Variants in FRAS1 observed in about 807,000 individuals in gnomAD.
FRAS1 encodes extracellular matrix organizing protein FRAS1.
A neutral mutation model predicts 435.2 loss-of-function variants in FRAS1; 290 were observed. The ratio of observed to expected loss-of-function variants is 0.67; its 90% CI spans 0.61 to 0.73. The LOEUF is 0.73. Among genes scored for constraint, FRAS1 ranks in the 30% least tolerant of loss-of-function variants. The pLI, the probability that FRAS1 is intolerant of heterozygous loss-of-function variation, is 0.00. For missense variants in FRAS1, 4,860 were observed against 5,001.5 expected, an observed-to-expected ratio of 0.97 and a Z score of 0.85; for synonymous variants, 1,800 against 1,851.0, an observed-to-expected ratio of 0.97 and a Z score of 0.71.
At position 78,477,958 on chromosome 4, in the gene FRAS1, C is replaced by A; in HGVS notation, c.7995C>A (p.Val2665=). The A allele has an allele frequency of 1.2e-6, 2 of 1,613,352 alleles. No homozygotes were observed. The highest frequency in any genetic ancestry group is 8.5e-7 in the Non-Finnish European group (1 of 1,179,704). ...ALLGEFTQAK[V]IINDTEDEPT... is the part of the protein sequence containing the mutation. ...TAGGGGAATTCACCCAGGCGAAGGT[C>A]ATTATCAACGATACCGAGGATGAAC... Residue 2665 remains valine, a synonymous_variant, in exon 55 of 74, where the codon GTC becomes GTA. Transcript: ENST00000512123.
chr4:78,513,321 A>G, intron 64 of FRAS1, 71 bp from the exon 65 acceptor site: 1 of 1,465,230 alleles, frequency 6.8e-7, no homozygotes, highest in Non-Finnish European at 9.4e-7. Context: ...TTAGGTGATG[A>G]GAAAGAAGTA....
At chr4:78,089,820 G>A (rs903598143) in intron 2 of FRAS1, among the ~76,000 whole-genome samples, 7 of 152,056 alleles carry the variant, frequency 4.6e-5, no homozygotes, top group Non-Finnish European at 1.0e-4. Flanking sequence ...GAGAAATCGT[G>A]TCATGGGAGT....
intron 54 of FRAS1, among the ~76,000 whole-genome samples, chr4:78,476,168 C>T (rs1286969553): frequency 1.3e-5 from 2 of 152,126 alleles, no homozygotes; most frequent in Admixed American, 6.5e-5. Context: ...TAAGAGGAGC[C>T]GGTTGGGCAA....
chr4:78,281,512 A>C, intron 11 of FRAS1, 79 bp downstream of exon 11: 4 of 876,892 alleles, frequency 4.6e-6, no homozygotes, highest in Middle Eastern at 4.5e-4. Context: ...TATCATGGGG[A>C]AACTTAGGAC....
At chr4:78,219,688 G>A (rs1723964337) in intron 2 of FRAS1, among the ~76,000 whole-genome samples, 1 of 152,160 alleles carries the variant, frequency 6.6e-6, no homozygotes, top group South Asian at 2.1e-4. Flanking sequence ...TTTCTCCAGA[G>A]TTTACTTAAG....
chr4:78,528,848 T>C (rs536123270), intron 70 of FRAS1, among the ~76,000 whole-genome samples: 6 of 152,286 alleles, frequency 3.9e-5, no homozygotes, highest in African/African-American at 1.2e-4. Context: ...TCTTCCAGCA[T>C]GTTTGTAAAT....
rs772712095 is a variant in FRAS1, at chr4:78,522,666, C to T, written c.10666C>T (p.His3556Tyr). The part of the protein sequence containing the change: ...AKFRGQFVME[H>Y]HTLPEVKSFV... ...TCAAATAGGACAGTTTGTGATGGAGCATCACACTCTCCCAGAAGTGAAATC... is the reference window on the plus strand; with the variant it reads ...TCAAATAGGACAGTTTGTGATGGAGTATCACACTCTCCCAGAAGTGAAATC... The change falls in exon 69 of 74, where the codon CAT (histidine) becomes TAT (tyrosine). Residue 3556 changes from histidine (H) to tyrosine (Y), a missense_variant. By Grantham distance (83) the His-to-Tyr change is moderately conservative. Transcript: ENST00000512123. The T allele has an allele frequency of 6.2e-7, 1 of 1,605,414 alleles. No individual in the cohort carries two copies. Among genetic ancestry groups the T allele is most frequent in the Non-Finnish European group, 8.5e-7 (1 of 1,175,392 alleles).
chr4:78,526,678 C>A, intron 70 of FRAS1, 21 bp downstream of exon 70: 1 of 1,407,110 alleles, frequency 7.1e-7, no homozygotes. Flanking sequence ...ATAGTCAATC[C>A]TCATTATTTG....
intron 20 of FRAS1, among the ~76,000 whole-genome samples, chr4:78,361,842 G>A (rs398237): frequency 0.62 from 94,597 of 151,974 alleles, 30,030 homozygotes; most frequent in Non-Finnish European, 0.67. Context: ...GGAAGGCCCC[G>A]TAACCAGAAC....
Position 78,202,218 on chromosome 4 carries a change from A to C in FRAS1, c.109-35292A>C, listed in dbSNP as rs991623220. 2.6e-5 allele frequency among the ~76,000 whole-genome samples: 4 copies of C among 152,292 alleles called. No individual in the cohort carries two copies. The East Asian group carries it at 7.7e-4, about 29-fold the overall frequency. Reference sequence around the variant, plus strand: ...TATTGTCTTCATATTTATAGATGAGAAAATGGAGGTTTGGCATTACCTGGC... The same window carrying C: ...TATTGTCTTCATATTTATAGATGAGCAAATGGAGGTTTGGCATTACCTGGC... On this transcript the variant is annotated intron_variant, in intron 2 of 73. Coordinates refer to ENST00000512123, the MANE Select transcript of FRAS1 (RefSeq NM_025074.7).
At chr4:78,279,389 G>A (rs1454894) in intron 10 of FRAS1, among the ~76,000 whole-genome samples, 143,942 of 152,210 alleles carry the variant, frequency 0.95, 68,457 homozygotes, top group Non-Finnish European at 1. Context: ...CTGGGCTCTC[G>A]CTTAACTCAT....
intron 71 of FRAS1, 49 bp downstream of exon 71, chr4:78,534,664 A>C: frequency 6.4e-7 from 1 of 1,574,184 alleles, no homozygotes; most frequent in Non-Finnish European, 8.7e-7. Context: ...TGGATATGAG[A>C]AGCTTTTGCT....
chr4:78,312,879 G>GAGAGAGAGAAAGAA (rs143465313), intron 15 of FRAS1, among the ~76,000 whole-genome samples: 21 of 129,162 alleles, frequency 1.6e-4, no homozygotes, highest in African/African-American at 1.6e-4. Context: ...GAGAGAGAGA[G>GAGAGAGAGAAAGAA]AGAAAGAAAG....
intron 2 of FRAS1, among the ~76,000 whole-genome samples, chr4:78,235,088 C>CT (rs760214372): frequency 2.8e-4 from 42 of 152,226 alleles, no homozygotes; most frequent in Admixed American, 7.8e-4. Context: ...GCTGAATTCC[C>CT]TTTTTTTCCA....
intron 49 of FRAS1, 146 bp from the exon 50 acceptor site, chr4:78,466,062 A>G (rs1470781718): frequency 1.6e-6 from 1 of 626,242 alleles, no homozygotes; most frequent in Non-Finnish European, 2.8e-6. Flanking sequence ...CTTTAGCTCT[A>G]TCTTTGGTGT....
Position 78,387,697 on chromosome 4 carries a change from C to T in FRAS1, c.3971C>T (p.Pro1324Leu), listed in dbSNP as rs761143323. Residue 1324 changes from proline to leucine, a missense_variant, in exon 29 of 74, where the codon CCT (proline) becomes CTT (leucine). Physicochemically the swap from Pro to Leu is moderately conservative, Grantham distance 98. Coordinates refer to ENST00000512123, the MANE Select transcript of FRAS1 (RefSeq NM_025074.7). ...HNILFQVKTV[P>L]QNDRGLQLVA... ...ATACTGTTCCAAGTGAAGACCGTGCCTCAGGTAGGTGTCATTCCTAGAGTT... is the reference window on the plus strand; with the variant it reads ...ATACTGTTCCAAGTGAAGACCGTGCTTCAGGTAGGTGTCATTCCTAGAGTT... 85 of 1,516,212 alleles carry T rather than the reference C, an allele frequency of 5.6e-5. No individual in the cohort carries two copies. The highest frequency in any genetic ancestry group is 7.4e-5 in the Non-Finnish European group (83 of 1,128,008). 93.9% of individuals were successfully genotyped at this position (1,516,212 alleles called of 1,614,324 possible).
At position 78,337,685 on chromosome 4, in the gene FRAS1, A is replaced by G. The variant is rs750368250; in HGVS notation, c.2290A>G (p.Thr764Ala). Reference sequence around the variant, plus strand: ...CGTCCCCCTGCCAGAGTGTCACCCAACCTGCAGGCAGTGTCATGGGCCGTT... The same window carrying G: ...CGTCCCCCTGCCAGAGTGTCACCCAGCCTGCAGGCAGTGTCATGGGCCGTT... ...QEGSCTECHP[T>A]CRQCHGPLES... is the part of the protein sequence containing the mutation. Residue 764 changes from threonine (T) to alanine (A), a missense_variant, in exon 20 of 74, where the codon ACC (threonine) becomes GCC (alanine). Thr to Ala is a moderately conservative substitution (Grantham distance 58, BLOSUM62 0). Transcript: ENST00000512123. 5.0e-6 allele frequency: 8 copies of G among 1,612,786 alleles called. No homozygotes were observed. The highest frequency in any genetic ancestry group is 6.8e-6 in the Non-Finnish European group (8 of 1,178,924).
intron 2 of FRAS1, among the ~76,000 whole-genome samples, chr4:78,070,196 C>A (rs998444835): frequency 6.6e-6 from 1 of 151,978 alleles, no homozygotes; most frequent in Non-Finnish European, 1.5e-5. Flanking sequence ...TAAAAACATA[C>A]AATGTACAGT....
intron 47 of FRAS1, among the ~76,000 whole-genome samples, chr4:78,456,884 G>A (rs1356667247): frequency 6.6e-6 from 1 of 152,138 alleles, no homozygotes; most frequent in Non-Finnish European, 1.5e-5. Flanking sequence ...CTTTATTCCC[G>A]GTAGAGCATA....
Sources: gnomAD v4.1 joint callset for allele counts (sites outside exome capture counted in the v4.1 genomes callset) on GRCh38, gnomAD v4.1.1 for gene constraint, MANE v1.5 for transcripts, NCBI Gene and HGNC (gene_info 2026-07-23, HGNC 2026-07-21) for gene names.